Variants in LBR observed in about 807,000 individuals in gnomAD.
LBR encodes the protein lamin B receptor.
In LBR, 28 loss-of-function variants were observed where a neutral mutation model predicts 74.3. That is an observed-to-expected ratio of 0.38 (90% CI 0.28 to 0.52). LBR has a LOEUF of 0.52. LBR is among the 20% of genes least tolerant of loss of function. LBR has a pLI of 0.89. For synonymous variants in LBR, 228 were observed against 269.3 expected (o/e 0.85, Z 1.50); for missense variants, 717 against 760.3 (o/e 0.94, Z 0.67).
chr1:225,419,040 C>T (rs2096122700), intron 5 of LBR, among the ~76,000 whole-genome samples: 1 of 152,240 alleles, frequency 6.6e-6, no homozygotes, highest in African/African-American at 2.4e-5. Flanking sequence ...GTTTTAAACA[C>T]AGCTACAATG....
At chr1:225,419,019 G>A (rs2150955540) in intron 5 of LBR, among the ~76,000 whole-genome samples, 1 of 152,290 alleles carries the variant, frequency 6.6e-6, no homozygotes, top group East Asian at 1.9e-4. Flanking sequence ...CCTCTGAACA[G>A]ACTGCTAAAA....
intron 7 of LBR, 85 bp downstream of exon 7, chr1:225,415,193 G>A (rs1575225277): frequency 1.1e-6 from 1 of 879,442 alleles, no homozygotes; most frequent in Non-Finnish European, 1.8e-6. Flanking sequence ...TACTACTCTG[G>A]TCTAATCAGC....
rs1457310725 is a variant in LBR, at chr1:225,406,766, A to G, written c.1381T>C (p.Leu461=). 13 of 1,614,114 alleles carry G rather than the reference A, an allele frequency of 8.1e-6. No individual in the cohort carries two copies. Among genetic ancestry groups the G allele is most frequent in the Non-Finnish European group, 8.5e-7 (1 of 1,180,026 alleles). ...GFGFMLAFGD[L]VWVPFIYSFQ... ...CTGTAAATAAAGGGAACCCACACCAAGTCTCCAAAAGCCAGCATGAATCCA... is the reference window on the plus strand; with the variant it reads ...CTGTAAATAAAGGGAACCCACACCAGGTCTCCAAAAGCCAGCATGAATCCA... Residue 461 remains leucine (L), a synonymous_variant, in exon 11 of 14, where the codon TTG becomes CTG. Transcript: ENST00000272163.
intron 11 of LBR, among the ~76,000 whole-genome samples, chr1:225,405,726 G>C (rs113756253): frequency 4.3e-4 from 66 of 152,252 alleles, no homozygotes; most frequent in Non-Finnish European, 8.2e-4. Context: ...TATTCTGTTC[G>C]AGCAGCACAA....
chr1:225,411,328 C>T lies in LBR; in HGVS notation c.1188+9G>A. The T allele has an allele frequency of 6.3e-7, 1 of 1,595,202 alleles. No individual in the cohort carries two copies. The highest frequency in any genetic ancestry group is 1.1e-5 in the South Asian group (1 of 90,696). On this transcript the variant is annotated intron_variant, in intron 9 of 13. Transcript: ENST00000272163. ...AATTGAAATTTAGAAGAAAAAAAAC[C>T]AGACATACCCATCCAATCAATCCGG... is the stretch of plus-strand genomic sequence containing the variant.
chr1:225,408,117 G>C (rs1364125840), intron 10 of LBR, among the ~76,000 whole-genome samples: 3 of 152,090 alleles, frequency 2.0e-5, no homozygotes, highest in Non-Finnish European at 2.9e-5. Context: ...TAGAATACTA[G>C]AACTTAGAAC....
chr1:225,410,337 A>C lies in LBR; in HGVS notation c.1268T>G (p.Val423Gly). Residue 423 changes from valine to glycine, a missense_variant, in exon 10 of 14, where the codon GTT becomes GGT. By Grantham distance (109) the Val-to-Gly change is moderately radical. Transcript: ENST00000272163. ...CACATAGAGAAGCTGGAAACTATTA[A>C]CTAAAATCATGGCCAAGGATGGAAC... is the stretch of plus-strand genomic sequence containing the variant. Reference protein sequence around the residue: ...RAVPSLAMILVNSFQLLYVVD... With the variant: ...RAVPSLAMILGNSFQLLYVVD... 1 of 1,614,212 alleles carries C rather than the reference A, an allele frequency of 6.2e-7. No homozygotes were observed. Among genetic ancestry groups the C allele is most frequent in the African/African-American group, 1.3e-5 (1 of 75,056 alleles).
chr1:225,422,790 C>T (rs10799308), intron 2 of LBR, among the ~76,000 whole-genome samples: 130,386 of 152,244 alleles, frequency 0.86, 56,044 homozygotes, highest in East Asian at 0.96. Flanking sequence ...AGACAAATTA[C>T]GCCCCAGGCC....
chr1:225,411,195 G>GT, intron 9 of LBR, 142 bp downstream of exon 9: 1 of 716,624 alleles, frequency 1.4e-6, no homozygotes, highest in East Asian at 2.6e-5. Flanking sequence ...TTACAAGAAA[G>GT]TATTTTGATA....
intron 10 of LBR, among the ~76,000 whole-genome samples, chr1:225,409,605 CTA>C (rs764626465): frequency 6.6e-6 from 1 of 151,918 alleles, no homozygotes; most frequent in African/African-American, 2.4e-5. Context: ...GGAAAGAAAA[CTA>C]GAGTTGGAAT....
At chr1:225,415,794 C>T (rs928235293) in intron 6 of LBR, among the ~76,000 whole-genome samples, 24 of 152,112 alleles carry the variant, frequency 1.6e-4, no homozygotes, top group Non-Finnish European at 5.9e-5. Flanking sequence ...TCTACTATGA[C>T]CCAAGTGCTA....
At position 225,403,406 on chromosome 1, in the gene LBR, T is replaced by C. The variant is rs2096085148; in HGVS notation, c.1745A>G (p.His582Arg). ...YIIYFTMLLVHREARDEYHCK... is the reference protein window; with the variant it reads ...YIIYFTMLLVRREARDEYHCK... ...GTGGTACTCGTCACGAGCTTCTCGG[T>C]GGACAAGCAACATGGTGAAATAAAT... The change falls in exon 14 of 14, where the codon CAC becomes CGC. Residue 582 changes from histidine (H) to arginine (R), a missense_variant. Physicochemically the swap from His to Arg is conservative, Grantham distance 29. Transcript: ENST00000272163. The C allele has an allele frequency of 1.2e-6, 2 of 1,613,552 alleles. No individual in the cohort carries two copies. The highest frequency in any genetic ancestry group is 1.7e-6 in the Non-Finnish European group (2 of 1,179,590).
intron 5 of LBR, among the ~76,000 whole-genome samples, 195 bp downstream of exon 5, chr1:225,419,068 T>A (rs1334733866): frequency 6.6e-6 from 1 of 152,230 alleles, no homozygotes; most frequent in Non-Finnish European, 1.5e-5. Context: ...TTCTACTCCA[T>A]AATCCCTCAA....
chr1:225,403,936 C>T (rs2096086232), intron 13 of LBR, among the ~76,000 whole-genome samples: 2 of 147,348 alleles, frequency 1.4e-5, no homozygotes, highest in Non-Finnish European at 3.0e-5. Flanking sequence ...CCCCTGGCTC[C>T]ACCAGTACCT....
chr1:225,403,135 C>T lies in LBR; in HGVS notation c.*168G>A, dbSNP rs566349300. ...AACTGTAAGTTAATACAAGTAAACA[C>T]GGCTATATTAAAAGATCAACTACTC... On this transcript the variant is annotated 3_prime_UTR_variant, in exon 14 of 14. Transcript: ENST00000272163. The T allele has an allele frequency of 9.3e-5, 58 of 625,162 alleles. 1 individual carries two copies. Among genetic ancestry groups the T allele is most frequent in the Admixed American group, 6.5e-4 (23 of 35,248 alleles). 38.7% of individuals were successfully genotyped at this position (625,162 alleles called of 1,614,324 possible).
At chr1:225,416,443 C>T (rs527542085) in intron 6 of LBR, among the ~76,000 whole-genome samples, 1 of 152,306 alleles carries the variant, frequency 6.6e-6, no homozygotes, top group African/African-American at 2.4e-5. Flanking sequence ...AATATAGTAT[C>T]ATTTGCTCTG....
chr1:225,428,270 G>T (rs562189991), upstream of LBR, among the ~76,000 whole-genome samples: 3 of 152,144 alleles, frequency 2.0e-5, no homozygotes, highest in East Asian at 5.9e-4. Flanking sequence ...GCCGGTGAGC[G>T]GGGGAAACCG....
At chr1:225,419,580 T>G in intron 4 of LBR, 128 bp from the exon 5 acceptor site, 2 of 1,004,180 alleles carry the variant, frequency 2.0e-6, no homozygotes, top group South Asian at 2.8e-5. Flanking sequence ...TTATATTCAG[T>G]CTTAATTTAA....
rs999188785 is a variant in LBR at position 225,428,035 on chromosome 1, C to T, written c.-96G>A. ...CCCGGCGGCAGATCCACGCGCGCGA[C>T]GCTACCCGGCCGCGCTCTCGCGCCC... On this transcript the variant is annotated 5_prime_UTR_variant, in exon 1 of 14. Transcript: ENST00000272163. 11 of 151,998 alleles carry T rather than the reference C, an allele frequency of 7.2e-5. No homozygotes were observed. The highest frequency in any genetic ancestry group is 2.7e-4 in the African/African-American group (11 of 41,396). The allele number at this position is 151,998 out of a possible 1,614,324, so 9.4% of individuals were successfully genotyped here.
Sources: allele counts gnomAD v4.1 joint callset (sites outside exome capture counted in the v4.1 genomes callset), GRCh38; gene constraint gnomAD v4.1.1; transcripts MANE v1.5; gene names NCBI Gene and HGNC (gene_info 2026-07-23, HGNC 2026-07-21).